The following HCRTR2 variants were observed in gnomAD, a reference collection of about 807,000 sequenced individuals.
HCRTR2 encodes orexin receptor type 2.
HCRTR2 carries 22 observed loss-of-function variants against 49.0 expected under a neutral mutation model. That is an observed-to-expected ratio of 0.45 (90% CI 0.32 to 0.64). The LOEUF (loss-of-function observed/expected upper bound fraction) is 0.64, where lower values mean the gene tolerates loss of function less well. Ranked by LOEUF, HCRTR2 falls within the 30% of genes least tolerant of loss-of-function variation. HCRTR2 has a pLI of 0.04. For synonymous variants in HCRTR2, 236 were observed against 205.3 expected, an observed-to-expected ratio of 1.15 and a Z score of -1.28; for missense variants, 491 against 559.4, an observed-to-expected ratio of 0.88 and a Z score of 1.23.
chr6:55,187,682 C>CTTTTTTTTTTTTTTT (rs5876430), intron 1 of HCRTR2, among the ~76,000 whole-genome samples: 1 of 102,242 alleles, frequency 9.8e-6, no homozygotes, highest in African/African-American at 3.8e-5. Context: ...ATTATTTGAT[C>CTTTTTTTTTTTTTTT]TTTTTTTTTT....
At chr6:55,251,261 G>T (rs996558484) in intron 2 of HCRTR2, among the ~76,000 whole-genome samples, 2 of 152,040 alleles carry the variant, frequency 1.3e-5, no homozygotes, top group Non-Finnish European at 2.9e-5. Context: ...TAATTTATAT[G>T]TTCTTTTTCT....
intron 1 of HCRTR2, among the ~76,000 whole-genome samples, chr6:55,126,893 A>G (rs1764973184): frequency 6.6e-6 from 1 of 152,142 alleles, no homozygotes; most frequent in Non-Finnish European, 1.5e-5. Context: ...CTCAAGCCTC[A>G]GCAATGGCAG....
At chr6:55,210,035 T>TA (rs952895636) in intron 1 of HCRTR2, among the ~76,000 whole-genome samples, 61 of 152,054 alleles carry the variant, frequency 4.0e-4, no homozygotes, top group Non-Finnish European at 7.2e-4. Context: ...AACTTTTAGA[T>TA]AAAAAAAACT....
intron 2 of HCRTR2, among the ~76,000 whole-genome samples, chr6:55,254,577 G>A (rs1056103552): frequency 6.6e-6 from 1 of 151,844 alleles, no homozygotes; most frequent in East Asian, 1.9e-4. Flanking sequence ...ACTTTCCTTG[G>A]GTGCTACATG....
chr6:55,122,286 A>G (rs1472252739), intron 1 of HCRTR2, among the ~76,000 whole-genome samples: 1 of 152,048 alleles, frequency 6.6e-6, no homozygotes, highest in Admixed American at 6.6e-5. Context: ...GGTAGTTTGT[A>G]TTTCTGTGGA....
At chr6:55,133,185 T>A (rs1190477198) in intron 1 of HCRTR2, among the ~76,000 whole-genome samples, 1 of 151,664 alleles carries the variant, frequency 6.6e-6, no homozygotes, top group Non-Finnish European at 1.5e-5. Flanking sequence ...ATTTTTAGAG[T>A]AAATTTTTTT....
chr6:55,213,956 T>G (rs1765741002), intron 1 of HCRTR2, among the ~76,000 whole-genome samples: 1 of 150,822 alleles, frequency 6.6e-6, no homozygotes, highest in Non-Finnish European at 1.5e-5. Flanking sequence ...TACAATATTA[T>G]GGCTTTGTGG....
intron 4 of HCRTR2, 77 bp from the exon 5 acceptor site, chr6:55,277,303 G>A: frequency 8.1e-7 from 1 of 1,232,952 alleles, no homozygotes; most frequent in African/African-American, 1.5e-5. Context: ...TTTCCTTACT[G>A]TGTTTTCTAA....
chr6:55,227,083 T>C (rs1766023284), intron 1 of HCRTR2, among the ~76,000 whole-genome samples: 3 of 152,184 alleles, frequency 2.0e-5, no homozygotes, highest in Admixed American at 6.5e-5. Context: ...AATTGATATG[T>C]ACTATTCTGT....
intron 1 of HCRTR2, among the ~76,000 whole-genome samples, chr6:55,241,219 G>A (rs1766326570): frequency 1.4e-5 from 2 of 147,158 alleles, no homozygotes; most frequent in African/African-American, 2.5e-5. Flanking sequence ...GAGAATATGC[G>A]GTGTTTGGTT....
At chr6:55,226,580 A>C (rs564975117) in intron 1 of HCRTR2, among the ~76,000 whole-genome samples, 1 of 152,240 alleles carries the variant, frequency 6.6e-6, no homozygotes, top group Non-Finnish European at 1.5e-5. Flanking sequence ...AAGTGCTGGG[A>C]TTACAGGTGT....
chr6:55,134,779 G>T (rs1358991252), intron 1 of HCRTR2, among the ~76,000 whole-genome samples: 1 of 151,810 alleles, frequency 6.6e-6, no homozygotes, highest in Non-Finnish European at 1.5e-5. Flanking sequence ...TGTCCTCCAG[G>T]TTCATCCATG....
At chr6:55,240,354 G>C (rs1324571331) in intron 1 of HCRTR2, among the ~76,000 whole-genome samples, 1 of 72,320 alleles carries the variant, frequency 1.4e-5, no homozygotes, top group East Asian at 4.6e-4. Flanking sequence ...CGAGACTCCA[G>C]CTCAAAAAAA....
chr6:55,203,404 C>T (rs1765545333), intron 1 of HCRTR2, among the ~76,000 whole-genome samples: 1 of 152,052 alleles, frequency 6.6e-6, no homozygotes, highest in African/African-American at 2.4e-5. Context: ...GTCGGCCTAC[C>T]TGTGCCCAAC....
At chr6:55,158,268 C>T (rs1215566794) in intron 1 of HCRTR2, among the ~76,000 whole-genome samples, 1 of 152,194 alleles carries the variant, frequency 6.6e-6, no homozygotes, top group Non-Finnish European at 1.5e-5. Flanking sequence ...ATGGTGCATT[C>T]TGGTCCAGAT....
At chr6:55,277,862 G>A (rs2127332057) in intron 5 of HCRTR2, among the ~76,000 whole-genome samples, 1 of 152,236 alleles carries the variant, frequency 6.6e-6, no homozygotes, top group African/African-American at 2.4e-5. Context: ...CTTCAAGCTA[G>A]TTGCTAAACC....
At chr6:55,174,493 T>C, upstream of HCRTR2, 2 of 1,062,190 alleles carry the variant, frequency 1.9e-6, no homozygotes, top group Non-Finnish European at 2.9e-6. Context: ...CCTTCTAGCC[T>C]CTCCGCGCAG....
At chr6:55,215,384 A>T (rs556052965) in intron 1 of HCRTR2, among the ~76,000 whole-genome samples, 1 of 152,346 alleles carries the variant, frequency 6.6e-6, no homozygotes, top group South Asian at 2.1e-4. Flanking sequence ...AACAAAAGCC[A>T]AGGGAATCCA....
rs549265741 is a variant in HCRTR2, at chr6:55,154,854, C to G, written c.-377-19357C>G. Among the ~76,000 whole-genome samples the G allele has an allele frequency of 1.1e-4, 17 of 151,628 alleles. 1 individual carries two copies. The Middle Eastern group carries it at 0.017, about 153-fold the overall frequency. Reference sequence around the variant, plus strand: ...ACAAACACACAAACAAACAAAATAGCTAGAGCAAAGAAATGAATTCAGTAC... The same window carrying G: ...ACAAACACACAAACAAACAAAATAGGTAGAGCAAAGAAATGAATTCAGTAC... On this transcript the variant is annotated intron_variant, in intron 1 of 7. Coordinates refer to the HCRTR2 transcript ENST00000615358.
Sources: gnomAD v4.1 joint callset for allele counts (sites outside exome capture counted in the v4.1 genomes callset) on GRCh38, gnomAD v4.1.1 for gene constraint, MANE v1.5 for transcripts, NCBI Gene and HGNC (gene_info 2026-07-23, HGNC 2026-07-21) for gene names.